COPA: variants seen among roughly 807,000 people sequenced by gnomAD.
The protein encoded by COPA is coatomer subunit alpha.
Under a neutral mutation model 158.7 loss-of-function variants are expected in COPA, and 10 were observed. The observed-to-expected ratio is 0.06, with a 90% CI of 0.04 to 0.11. The LOEUF (loss-of-function observed/expected upper bound fraction) is 0.11, where lower values mean the gene tolerates loss of function less well. COPA is among the 10% of genes least tolerant of loss of function. COPA has a pLI of 1.00. For missense variants in COPA, 1,065 were observed against 1,536.7 expected, an observed-to-expected ratio of 0.69 and a Z score of 5.13; for synonymous variants, 462 against 542.8, an observed-to-expected ratio of 0.85 and a Z score of 2.07.
At chr1:160,298,429 T>C (rs1436611862) in intron 19 of COPA, among the ~76,000 whole-genome samples, 1 of 152,130 alleles carries the variant, frequency 6.6e-6, no homozygotes, top group African/African-American at 2.4e-5. Flanking sequence ...TAGGAAGAAG[T>C]TCAGAACTGG....
chr1:160,305,049 T>C (rs751022166), intron 17 of COPA, among the ~76,000 whole-genome samples: 1 of 152,082 alleles, frequency 6.6e-6, no homozygotes, highest in Non-Finnish European at 1.5e-5. Context: ...GCAGTAAAAT[T>C]ACAAAGAAAA....
chr1:160,317,969 A>G (rs56045380), intron 8 of COPA, among the ~76,000 whole-genome samples: 2,111 of 152,256 alleles, frequency 0.014, 46 homozygotes, highest in African/African-American at 0.042. Flanking sequence ...TTTTCAGGAC[A>G]TTGCATTTTC....
chr1:160,318,995 C>G (rs1005384410), intron 8 of COPA, among the ~76,000 whole-genome samples: 1 of 151,194 alleles, frequency 6.6e-6, no homozygotes, highest in African/African-American at 2.4e-5. Flanking sequence ...CAAAACAAAA[C>G]CAGAAAACAA....
intron 1 of COPA, among the ~76,000 whole-genome samples, chr1:160,340,572 G>A (rs550475459): frequency 2.0e-5 from 3 of 152,114 alleles, no homozygotes; most frequent in Non-Finnish European, 4.4e-5. Context: ...TTTTATTACA[G>A]AGGGGCTACA....
rs959059306 is a variant in COPA, at chr1:160,289,095, G to A, written c.*1062C>T. Among the ~76,000 whole-genome samples the A allele has an allele frequency of 6.6e-6, 1 of 151,156 alleles. No individual in the cohort carries two copies. The highest frequency in any genetic ancestry group is 2.1e-4 in the South Asian group (1 of 4,806). ...AAGCAATCCTCTGCCTCAGCCTCCA[G>A]AGTAGCTGGGATTACAGGCACCCAC... is the stretch of plus-strand genomic sequence containing the variant. On this transcript the variant is annotated 3_prime_UTR_variant, in exon 33 of 33. Transcript: ENST00000241704.
rs1659065737 is a variant in COPA at position 160,314,191 on chromosome 1, T to C, written c.707-66A>G. 2.6e-6 allele frequency: 4 copies of C among 1,516,266 alleles called. No homozygotes were observed. In the Admixed American group the frequency reaches 6.0e-5, roughly 23 times the overall value. 93.9% of individuals were successfully genotyped at this position (1,516,266 alleles called of 1,614,324 possible). On this transcript the variant is annotated intron_variant, in intron 8 of 32. Transcript: ENST00000241704. ...ACTATAACTTTAGGATTTGGAGATA[T>C]GACATCCTCTTCATCAAGAACTAAG...
At chr1:160,321,829 T>TG (rs893443498) in intron 8 of COPA, among the ~76,000 whole-genome samples, 2 of 151,566 alleles carry the variant, frequency 1.3e-5, no homozygotes, top group African/African-American at 4.9e-5. Flanking sequence ...GTGAATAATC[T>TG]GAAAAAAAAT....
intron 23 of COPA, among the ~76,000 whole-genome samples, chr1:160,295,265 G>A (rs929330506): frequency 2.6e-5 from 4 of 152,166 alleles, no homozygotes; most frequent in Admixed American, 2.6e-4. Context: ...TCAAGAGTCT[G>A]TTTAGGCTCT....
rs764620128 is a variant in COPA at position 160,293,415 on chromosome 1, G to A, written c.2725C>T (p.Pro909Ser). ...AGGAEDGFFV[P>S]PTKGTSPTQI... ...GTTGGACTTGTTCCCTTGGTTGGGG[G>A]CACAAAGAAACCATCTTCAGCCCCA... Residue 909 changes from proline to serine, a missense_variant, in exon 26 of 33, where the codon CCC becomes TCC. Transcript: ENST00000241704. The A allele has an allele frequency of 9.9e-6, 16 of 1,612,340 alleles. No individual in the cohort carries two copies. The highest frequency in any genetic ancestry group is 5.5e-5 in the South Asian group (5 of 90,662).
At chr1:160,309,714 C>T (rs1020114223) in intron 12 of COPA, among the ~76,000 whole-genome samples, 7 of 148,522 alleles carry the variant, frequency 4.7e-5, no homozygotes, top group Admixed American at 2.7e-4. Flanking sequence ...AACTTGGCCA[C>T]GAGGGCACTA....
At chr1:160,298,781 C>T in intron 19 of COPA, 64 bp downstream of exon 19, 2 of 1,581,998 alleles carry the variant, frequency 1.3e-6, no homozygotes, top group Admixed American at 3.5e-5. Context: ...TAATGCCCTC[C>T]CAATGGCACT....
At position 160,292,341 on chromosome 1, in the gene COPA, A is replaced by G. The variant is rs1032894767; in HGVS notation, c.2960+143T>C. 3 of 1,565,848 alleles carry G rather than the reference A, an allele frequency of 1.9e-6. No individual in the cohort carries two copies. In the African/African-American group the frequency reaches 4.1e-5, roughly 22 times the overall value. On this transcript the variant is annotated intron_variant, in intron 28 of 32. Transcript: ENST00000241704. ...AAGAGGATGACAGCAGGTGTAAACC[A>G]ACCCCATAGAGTAACAAACCAAAGA...
At chr1:160,307,361 G>A (rs1658824842) in intron 13 of COPA, 116 bp from the exon 14 acceptor site, 1 of 932,640 alleles carries the variant, frequency 1.1e-6, no homozygotes, top group Non-Finnish European at 1.8e-6. Flanking sequence ...TGCCAGTTGA[G>A]CTGCTTCCTA....
chr1:160,297,302 TCCTCAGA>T, intron 21 of COPA, 34 bp downstream of exon 21: 1 of 1,561,894 alleles, frequency 6.4e-7, no homozygotes, highest in Non-Finnish European at 8.8e-7. Flanking sequence ...GAAAAATACT[TCCTCAGA>T]CCCTGAAAAA....
At chr1:160,324,717 A>C (rs1659438957) in intron 7 of COPA, among the ~76,000 whole-genome samples, 1 of 152,128 alleles carries the variant, frequency 6.6e-6, no homozygotes, top group South Asian at 2.1e-4. Flanking sequence ...TCATGTTTTT[A>C]AAAGTTGTTT....
intron 8 of COPA, 59 bp from the exon 9 acceptor site, chr1:160,314,184 G>A: frequency 6.5e-7 from 1 of 1,539,996 alleles, no homozygotes. Context: ...TTTAGGATTT[G>A]GAGATATGAC....
chr1:160,299,056 G>A (rs74877107), intron 18 of COPA, 46 bp downstream of exon 18: 1 of 1,597,066 alleles, frequency 6.3e-7, no homozygotes, highest in Non-Finnish European at 8.5e-7. Context: ...AAAAAAAAAA[G>A]AGTGCTGCCT....
In COPA at chr1:160,314,043, C is replaced by G. The variant is rs779522642; in HGVS notation, c.789G>C (p.Leu263Phe). 6.2e-7 allele frequency: 1 copy of G among 1,614,014 alleles called. No homozygotes were observed. The highest frequency in any genetic ancestry group is 8.5e-7 in the Non-Finnish European group (1 of 1,179,980). The change falls in exon 9 of 33, where the codon TTG becomes TTC. Residue 263 changes from leucine (L) to phenylalanine (F), a missense_variant. Leu to Phe is a conservative substitution (Grantham distance 22). Around this residue, in one of 2 missense-constraint regions of COPA, gnomAD observed 980 missense variants for 1,357.8 expected, o/e 0.72. Coordinates refer to ENST00000241704, the MANE Select transcript of COPA (RefSeq NM_004371.4). ...TCTTGTCCTCAGAATTGCTGAGGAT[C>G]AACTCTTGGCGAGGGTGGAAGACGG... ...SCAVFHPRQE[L>F]ILSNSEDKSI...
intron 5 of COPA, 81 bp from the exon 6 acceptor site, chr1:160,332,638 A>C: frequency 4.2e-6 from 4 of 943,136 alleles, no homozygotes; most frequent in Non-Finnish European, 6.2e-6. Flanking sequence ...CTCCATATTC[A>C]ATAAATGCTT....
Sources: gnomAD v4.1 joint callset for allele counts (sites outside exome capture counted in the v4.1 genomes callset) on GRCh38, gnomAD v4.1.1 for gene constraint, gnomAD v4.1.1 regional missense constraint, MANE v1.5 for transcripts, NCBI Gene and HGNC (gene_info 2026-07-23, HGNC 2026-07-21) for gene names.